Variants in ANKRD12 observed in about 807,000 individuals in gnomAD.
ANKRD12 encodes ankyrin repeat domain-containing protein 12.
A neutral mutation model predicts 183.4 loss-of-function variants in ANKRD12; 85 were observed. That is an observed-to-expected ratio of 0.46 (90% CI 0.39 to 0.56). ANKRD12 has a LOEUF of 0.56. ANKRD12 is among the 20% of genes least tolerant of loss of function. The probability of loss-of-function intolerance (pLI) is 0.00; values close to 1 mark genes in which losing one functional copy is unlikely to be tolerated. For missense variants in ANKRD12, 2,405 were observed against 2,357.1 expected (o/e 1.02, Z -0.42); for synonymous variants, 914 against 800.2 (o/e 1.14, Z -2.40).
At chr18:9,215,369 G>A (rs975613827) in intron 6 of ANKRD12, among the ~76,000 whole-genome samples, 1 of 152,016 alleles carries the variant, frequency 6.6e-6, no homozygotes, top group Non-Finnish European at 1.5e-5. Flanking sequence ...ATAACAAGAA[G>A]GCCTGGACAA....
At chr18:9,242,220 C>CA (rs2037705704) in intron 8 of ANKRD12, among the ~76,000 whole-genome samples, 1 of 151,788 alleles carries the variant, frequency 6.6e-6, no homozygotes, top group Non-Finnish European at 1.5e-5. Flanking sequence ...TGTATTTGCC[C>CA]AAAAAATGTA....
At chr18:9,157,581 G>GTATATATATA (rs1221750938) in intron 1 of ANKRD12, among the ~76,000 whole-genome samples, 3 of 109,346 alleles carry the variant, frequency 2.7e-5, no homozygotes, top group African/African-American at 8.8e-5. Flanking sequence ...GTGTGTGTGT[G>GTATATATATA]TGTGTATATA....
At chr18:9,273,630 T>C (rs1382486812) in intron 10 of ANKRD12, among the ~76,000 whole-genome samples, 2 of 152,202 alleles carry the variant, frequency 1.3e-5, no homozygotes, top group Non-Finnish European at 2.9e-5. Flanking sequence ...ATTCTACTTA[T>C]TTATCCAAGA....
At chr18:9,149,952 A>G (rs2078629863) in intron 1 of ANKRD12, among the ~76,000 whole-genome samples, 2 of 151,366 alleles carry the variant, frequency 1.3e-5, no homozygotes, top group Non-Finnish European at 2.9e-5. Context: ...TGCGCCCACC[A>G]CGCCCGGCTA....
intron 1 of ANKRD12, among the ~76,000 whole-genome samples, chr18:9,175,626 C>G (rs974271524): frequency 7.6e-6 from 1 of 132,136 alleles, no homozygotes; most frequent in Non-Finnish European, 1.5e-5. Flanking sequence ...CTTGCTGGTT[C>G]AAGCAGTTCT....
At chr18:9,259,205 T>C (rs142719007) in intron 9 of ANKRD12, among the ~76,000 whole-genome samples, 1 of 152,304 alleles carries the variant, frequency 6.6e-6, no homozygotes, top group East Asian at 1.9e-4. Context: ...AAATTAGAAC[T>C]TTATACAAAC....
In ANKRD12 at chr18:9,258,003, C is replaced by G. The variant is rs762644653; in HGVS notation, c.4736C>G (p.Ala1579Gly). 1.1e-5 allele frequency: 18 copies of G among 1,613,734 alleles called. No homozygotes were observed. In the South Asian group the frequency reaches 2.0e-4, roughly 18 times the overall value. ...GAAGCATCACCAAACTTTGAGAAAG[C>G]TTATACTTTACCTGTGTTACCATCA... The part of the protein sequence containing the change: ...IQEASPNFEK[A>G]YTLPVLPSEK... Residue 1579 changes from alanine (A) to glycine (G), a missense_variant, in exon 9 of 13, where the codon GCT (alanine) becomes GGT (glycine). Physicochemically the swap from Ala to Gly is moderately conservative, Grantham distance 60. Coordinates refer to ENST00000262126, the MANE Select transcript of ANKRD12 (RefSeq NM_015208.5).
At position 9,206,931 on chromosome 18, in the gene ANKRD12, C is replaced by T. The variant is rs115354025; in HGVS notation, c.305-1726C>T. On this transcript the variant is annotated intron_variant, in intron 4 of 12. Coordinates refer to ENST00000262126, the MANE Select transcript of ANKRD12 (RefSeq NM_015208.5). ...TTAGAAAATATTTTGAGGATAGATG[C>T]TAAGTATTTTTTGTTTCCTCTAATT... is the stretch of plus-strand genomic sequence containing the variant. Among the ~76,000 whole-genome samples the T allele has an allele frequency of 7.6e-3, 1,158 of 151,384 alleles. 23 individuals carry two copies. The highest frequency in any genetic ancestry group is 0.026 in the African/African-American group (1,095 of 41,442).
chr18:9,190,557 G>GCTC (rs2034389069), intron 2 of ANKRD12, among the ~76,000 whole-genome samples: 1 of 152,160 alleles, frequency 6.6e-6, no homozygotes, highest in Non-Finnish European at 1.5e-5. Context: ...AGCATTGCAT[G>GCTC]CTCCAGAGAG....
chr18:9,210,211 A>C (rs538141429), intron 5 of ANKRD12, among the ~76,000 whole-genome samples: 1 of 152,274 alleles, frequency 6.6e-6, no homozygotes, highest in Non-Finnish European at 1.5e-5. Flanking sequence ...TTAGATTTTA[A>C]GAAATTCAGC....
chr18:9,143,150 A>G (rs2078376364), intron 1 of ANKRD12, among the ~76,000 whole-genome samples: 1 of 152,214 alleles, frequency 6.6e-6, no homozygotes, highest in Admixed American at 6.5e-5. Flanking sequence ...GCTAGATACT[A>G]TTAGATACTT....
At chr18:9,271,468 G>A (rs946788455) in intron 10 of ANKRD12, among the ~76,000 whole-genome samples, 4 of 152,064 alleles carry the variant, frequency 2.6e-5, no homozygotes, top group African/African-American at 4.8e-5. Flanking sequence ...GCAGTGAGCC[G>A]AGATCATGCC....
rs2040144401 is a variant in ANKRD12 at position 9,282,671 on chromosome 18, C to G, written c.*1545C>G. Reference sequence around the variant, plus strand: ...ATTATAATACTGAATGTTTTCTGTTCCGATAGAGAAAAGTGAAGCAAATAT... The same window carrying G: ...ATTATAATACTGAATGTTTTCTGTTGCGATAGAGAAAAGTGAAGCAAATAT... On this transcript the variant is annotated 3_prime_UTR_variant, in exon 13 of 13. Transcript: ENST00000262126. 1 of 152,262 alleles carries G rather than the reference C, an allele frequency of 6.6e-6. No individual in the cohort carries two copies. The highest frequency in any genetic ancestry group is 2.4e-5 in the African/African-American group (1 of 41,304). The allele number at this position is 152,262 out of a possible 1,614,324, so 9.4% of individuals were successfully genotyped here.
chr18:9,219,109 C>T (rs1041653638), intron 7 of ANKRD12, among the ~76,000 whole-genome samples: 23 of 152,094 alleles, frequency 1.5e-4, no homozygotes, highest in African/African-American at 5.6e-4. Flanking sequence ...TGAGGATGAG[C>T]TGTAAAATCT....
intron 8 of ANKRD12, among the ~76,000 whole-genome samples, chr18:9,253,850 A>G (rs1048058557): frequency 1.3e-5 from 2 of 152,238 alleles, no homozygotes; most frequent in Non-Finnish European, 2.9e-5. Context: ...TGATTCAGCA[A>G]TCCAACTGCT....
At chr18:9,234,065 C>A (rs2037205133) in intron 8 of ANKRD12, among the ~76,000 whole-genome samples, 2 of 98,506 alleles carry the variant, frequency 2.0e-5, no homozygotes, top group East Asian at 7.3e-4. Flanking sequence ...CCACACAGTC[C>A]CAGACACAAC....
intron 11 of ANKRD12, among the ~76,000 whole-genome samples, chr18:9,277,487 C>G (rs1231821144): frequency 6.6e-6 from 1 of 151,608 alleles, no homozygotes; most frequent in Admixed American, 6.6e-5. Flanking sequence ...GCCACCACAC[C>G]CGGCTAATTT....
At chr18:9,277,574 G>C (rs1376394364) in intron 11 of ANKRD12, among the ~76,000 whole-genome samples, 1 of 151,748 alleles carries the variant, frequency 6.6e-6, no homozygotes, top group Non-Finnish European at 1.5e-5. Flanking sequence ...TGATCCACCC[G>C]CCTCGGCCTC....
chr18:9,197,965 A>C (rs1483093830), intron 3 of ANKRD12, among the ~76,000 whole-genome samples: 1 of 152,226 alleles, frequency 6.6e-6, no homozygotes, highest in East Asian at 1.9e-4. Context: ...CACAGTGAAA[A>C]CATTAAGGAG....
Sources: allele counts gnomAD v4.1 joint callset (sites outside exome capture counted in the v4.1 genomes callset), GRCh38; gene constraint gnomAD v4.1.1; transcripts MANE v1.5; gene names NCBI Gene and HGNC (gene_info 2026-07-23, HGNC 2026-07-21).